The following LSAMP variants were observed in gnomAD, a reference collection of about 807,000 sequenced individuals.
The protein encoded by LSAMP is limbic system associated membrane protein, also known as limbic system-associated membrane protein.
In LSAMP, 7 loss-of-function variants were observed where a neutral mutation model predicts 38.6. The ratio of observed to expected loss-of-function variants is 0.18; its 90% confidence interval spans 0.10 to 0.34. The LOEUF (loss-of-function observed/expected upper bound fraction) is 0.34, where lower values mean the gene tolerates loss of function less well. LSAMP is among the 10% of genes least tolerant of loss of function. The pLI is 1.00. For synonymous variants in LSAMP, 154 were observed against 166.8 expected, an observed-to-expected ratio of 0.92 and a Z score of 0.59; for missense variants, 313 against 420.0, an observed-to-expected ratio of 0.75 and a Z score of 2.23.
intron 1 of LSAMP, among the ~76,000 whole-genome samples, chr3:116,182,666 TAAAG>T (rs1559773444): frequency 6.6e-6 from 1 of 151,776 alleles, no homozygotes; most frequent in African/African-American, 2.4e-5. Context: ...GAAAAGGCAA[TAAAG>T]AATCACCTGT....
intron 3 of LSAMP, among the ~76,000 whole-genome samples, chr3:115,902,212 A>C (rs1320806585): frequency 6.6e-6 from 1 of 152,112 alleles, no homozygotes; most frequent in Non-Finnish European, 1.5e-5. Context: ...TAGCTCATAG[A>C]AATATATAGT....
At chr3:116,057,883 CTT>C (rs1252989617) in intron 2 of LSAMP, among the ~76,000 whole-genome samples, 1 of 151,316 alleles carries the variant, frequency 6.6e-6, no homozygotes, top group Non-Finnish European at 1.5e-5. Context: ...AAGACCATGA[CTT>C]GTGGTTTGAA....
intron 1 of LSAMP, among the ~76,000 whole-genome samples, chr3:116,239,964 G>A (rs912234564): frequency 6.6e-6 from 1 of 152,050 alleles, no homozygotes; most frequent in Non-Finnish European, 1.5e-5. Context: ...CCATTTAGCT[G>A]TCAATGGTTT....
At chr3:115,843,982 A>C (rs750530217) in intron 4 of LSAMP, among the ~76,000 whole-genome samples, 1 of 152,188 alleles carries the variant, frequency 6.6e-6, no homozygotes, top group Non-Finnish European at 1.5e-5. Flanking sequence ...ACTAAATGGG[A>C]AGATGCTGTC....
Position 116,445,095 on chromosome 3 carries a change from G to A in LSAMP, c.-64C>T. On this transcript the variant is annotated 5_prime_UTR_variant, in exon 1 of 7. Coordinates refer to ENST00000490035, the MANE Select transcript of LSAMP (RefSeq NM_002338.5). ...GAGGGGTGCGCGCTGCTCGCGAGGA[G>A]AGGCTTCACCAACACGGGGCTTTCA... 6.6e-7 allele frequency: 1 copy of A among 1,520,382 alleles called. No individual in the cohort carries two copies. The highest frequency in any genetic ancestry group is 8.9e-7 in the Non-Finnish European group (1 of 1,120,144). The allele number at this position is 1,520,382 out of a possible 1,614,324, so 94.2% of individuals were successfully genotyped here.
chr3:116,275,695 C>T (rs2107675940), intron 1 of LSAMP, among the ~76,000 whole-genome samples: 1 of 152,228 alleles, frequency 6.6e-6, no homozygotes, highest in South Asian at 2.1e-4. Context: ...AAATCTGCTT[C>T]TCAAGAAGAC....
chr3:116,043,924 C>G (rs1286383399), intron 2 of LSAMP, among the ~76,000 whole-genome samples: 4 of 152,082 alleles, frequency 2.6e-5, no homozygotes, highest in Admixed American at 2.6e-4. Context: ...CCCGCCTGGG[C>G]GAAAGAGCGA....
rs1165828364 is a variant in LSAMP, at chr3:116,366,866, A to G, written c.155+78011T>C. Among the ~76,000 whole-genome samples, 3 of 152,200 alleles carry G rather than the reference A, an allele frequency of 2.0e-5. No homozygotes were observed. The East Asian group carries it at 5.8e-4, about 29-fold the overall frequency. ...TCTCAGTCTTCCTTATCAATGACACACATTCCCTCCCATCCCACATTATCT... is the reference window on the plus strand; with the variant it reads ...TCTCAGTCTTCCTTATCAATGACACGCATTCCCTCCCATCCCACATTATCT... On this transcript the variant is annotated intron_variant, in intron 1 of 6. Coordinates refer to ENST00000490035, the MANE Select transcript of LSAMP (RefSeq NM_002338.5).
At chr3:115,977,255 C>T (rs1344200860) in intron 3 of LSAMP, among the ~76,000 whole-genome samples, 1 of 152,106 alleles carries the variant, frequency 6.6e-6, no homozygotes, top group Non-Finnish European at 1.5e-5. Flanking sequence ...GATTTATGCT[C>T]AATGTAGAAA....
rs553601806 is a variant in LSAMP, at chr3:116,248,940, G to A, written c.156-162384C>T. On this transcript the variant is annotated intron_variant, in intron 1 of 6. Coordinates refer to ENST00000490035, the MANE Select transcript of LSAMP (RefSeq NM_002338.5). ...AGGCAGGCGGATCACGAGGTCAGGA[G>A]ATCGAGACCATCCTGGCTAAGATGG... is the stretch of plus-strand genomic sequence containing the variant. Among the ~76,000 whole-genome samples, 29 of 152,188 alleles carry A rather than the reference G, an allele frequency of 1.9e-4. No individual in the cohort carries two copies. The South Asian group carries it at 3.1e-3, about 16-fold the overall frequency.
chr3:116,068,101 C>A (rs1707505441), intron 2 of LSAMP, among the ~76,000 whole-genome samples: 1 of 152,044 alleles, frequency 6.6e-6, no homozygotes, highest in Non-Finnish European at 1.5e-5. Context: ...TCTCAACAAA[C>A]AACAAATAAT....
intron 1 of LSAMP, among the ~76,000 whole-genome samples, chr3:116,224,947 C>T (rs1204409491): frequency 1.3e-5 from 2 of 152,166 alleles, no homozygotes; most frequent in Non-Finnish European, 2.9e-5. Context: ...AATGAATCTA[C>T]ATATTTTGAT....
intron 1 of LSAMP, among the ~76,000 whole-genome samples, chr3:116,334,899 G>A (rs1208262099): frequency 2.6e-5 from 4 of 151,832 alleles, no homozygotes; most frequent in African/African-American, 7.3e-5. Context: ...AATTAGGCAA[G>A]ATAAAGAAAT....
intron 1 of LSAMP, among the ~76,000 whole-genome samples, chr3:116,204,440 C>G (rs1332317077): frequency 2.0e-5 from 3 of 152,106 alleles, no homozygotes; most frequent in Non-Finnish European, 2.9e-5. Flanking sequence ...CTTTTATTGC[C>G]ATTGCTTTTG....
At chr3:115,877,776 A>C (rs1298282075) in intron 3 of LSAMP, among the ~76,000 whole-genome samples, 3 of 152,118 alleles carry the variant, frequency 2.0e-5, no homozygotes, top group Non-Finnish European at 4.4e-5. Context: ...GTCCTTCAGC[A>C]AGGGAATAAT....
At chr3:116,086,610 T>A in intron 1 of LSAMP, 54 bp from the exon 2 acceptor site, 1 of 1,400,120 alleles carries the variant, frequency 7.1e-7, no homozygotes, top group Admixed American at 1.7e-5. Context: ...TTTCTGCGTT[T>A]CTTCTCTAGG....
chr3:116,314,764 C>T (rs1241815483), intron 1 of LSAMP, among the ~76,000 whole-genome samples: 1 of 152,112 alleles, frequency 6.6e-6, no homozygotes, highest in Non-Finnish European at 1.5e-5. Flanking sequence ...GAGCTGTCAA[C>T]ATCTATATAA....
intron 1 of LSAMP, among the ~76,000 whole-genome samples, chr3:116,428,813 A>T (rs1413359448): frequency 6.6e-6 from 1 of 152,202 alleles, no homozygotes; most frequent in Non-Finnish European, 1.5e-5. Context: ...ATCTTTTAAG[A>T]AGCCCCATTT....
At chr3:116,135,463 CT>C (rs1394830051) in intron 1 of LSAMP, among the ~76,000 whole-genome samples, 2 of 152,158 alleles carry the variant, frequency 1.3e-5, no homozygotes, top group Admixed American at 6.6e-5. Context: ...GGAGACTGAA[CT>C]GTTAACTACT....
Sources: gnomAD v4.1 joint callset for allele counts (sites outside exome capture counted in the v4.1 genomes callset) on GRCh38, gnomAD v4.1.1 for gene constraint, MANE v1.5 for transcripts, NCBI Gene and HGNC (gene_info 2026-07-23, HGNC 2026-07-21) for gene names.